Variants in HDAC4 observed in about 807,000 individuals in gnomAD.
HDAC4 encodes the protein histone deacetylase A.
A neutral mutation model predicts 135.1 loss-of-function variants in HDAC4; 16 were observed. The observed-to-expected ratio is 0.12, with a 90% CI of 0.08 to 0.18. The LOEUF is 0.18. Ranked by LOEUF, HDAC4 falls within the 10% of genes least tolerant of loss-of-function variation. The probability of loss-of-function intolerance (pLI) is 1.00; values close to 1 mark genes in which losing one functional copy is unlikely to be tolerated. For synonymous variants in HDAC4, 685 were observed against 653.4 expected (o/e 1.05, Z -0.74); for missense variants, 1,143 against 1,511.8 (o/e 0.76, Z 4.05).
rs551960129 is a variant in HDAC4 at position 239,075,372 on chromosome 2, G to T, written c.2750+5723C>A. ...CCTTTCTTGGGGCAACCTGAGGGGA[G>T]AGAGGGGTGGGCTCGCAGTTTCCCA... On this transcript the variant is annotated intron_variant, in intron 22 of 26. Transcript: ENST00000543185. 5.8e-4 allele frequency among the ~76,000 whole-genome samples: 88 copies of T among 152,212 alleles called. 1 individual carries two copies. Among genetic ancestry groups the T allele is most frequent in the African/African-American group, 2.0e-3 (85 of 41,538 alleles).
intron 2 of HDAC4, among the ~76,000 whole-genome samples, chr2:239,280,029 C>G (rs566687030): frequency 2.6e-5 from 4 of 152,194 alleles, no homozygotes; most frequent in Admixed American, 1.3e-4. Flanking sequence ...ACAGCACCCC[C>G]CAACCCCAAA....
intron 1 of HDAC4, among the ~76,000 whole-genome samples, chr2:239,389,070 G>A (rs1339441672): frequency 6.6e-6 from 1 of 152,160 alleles, no homozygotes; most frequent in Non-Finnish European, 1.5e-5. Flanking sequence ...GAATTTTTCT[G>A]TCTAGCTAGA....
intron 2 of HDAC4, among the ~76,000 whole-genome samples, chr2:239,344,598 C>G (rs1692497038): frequency 6.6e-6 from 1 of 152,148 alleles, no homozygotes; most frequent in Non-Finnish European, 1.5e-5. Flanking sequence ...CAAACCTTGA[C>G]TGATTAAGAT....
rs4852021 is a variant in HDAC4 at position 239,111,989 on chromosome 2, T to C, written c.1792-277A>G. 0.68 allele frequency among the ~76,000 whole-genome samples: 103,275 copies of C among 152,096 alleles called. 35,063 individuals carry two copies. The highest frequency in any genetic ancestry group is 0.77 in the South Asian group (3,697 of 4,816). ...TGTCCACGTGGGATCCTGCCATGGG[T>C]TACGTTAACAGGATAACACAGGTTG... On this transcript the variant is annotated intron_variant, in intron 13 of 26. Coordinates refer to ENST00000543185, the MANE Select transcript of HDAC4 (RefSeq NM_001378414.1).
At chr2:239,158,433 G>C (rs1352930301) in intron 6 of HDAC4, among the ~76,000 whole-genome samples, 4 of 152,186 alleles carry the variant, frequency 2.6e-5, no homozygotes, top group Admixed American at 1.3e-4. Flanking sequence ...GGTAGGATTT[G>C]CTTACAGTGA....
rs1032383854 is a variant in HDAC4, at chr2:239,308,244, G to T, written c.22+44434C>A. Among the ~76,000 whole-genome samples, 1 of 152,156 alleles carries T rather than the reference G, an allele frequency of 6.6e-6. No individual in the cohort carries two copies. Among genetic ancestry groups the T allele is most frequent in the Non-Finnish European group, 1.5e-5 (1 of 68,012 alleles). ...AGGGACAAGAGAGCTAGAGACCCGG[G>T]GGGGAGTCCACTGCCTTGGGGACAC... On this transcript the variant is annotated intron_variant, in intron 2 of 26. Coordinates refer to ENST00000543185, the MANE Select transcript of HDAC4 (RefSeq NM_001378414.1). The surrounding 1 kb of genome is among the most constrained non-coding windows in gnomAD (Gnocchi z 4.2).
Position 239,048,352 on chromosome 2 carries a change from A to G in HDAC4, c.*4745T>C, listed in dbSNP as rs2030268546. 1 of 152,206 alleles carries G rather than the reference A, an allele frequency of 6.6e-6. No individual in the cohort carries two copies. Among genetic ancestry groups the G allele is most frequent in the South Asian group, 2.1e-4 (1 of 4,826 alleles). 9.4% of individuals were successfully genotyped at this position (152,206 alleles called of 1,614,324 possible). A position where few individuals can be genotyped will look rare whatever the true frequency, so the allele number is the denominator to read the frequency against. ...GAGAAAACCAAACACAAAACCTCCA[A>G]CTCCACTGAGCAAAAGAAAGAACCA... On this transcript the variant is annotated 3_prime_UTR_variant, in exon 27 of 27. Transcript: ENST00000543185.
chr2:239,295,336 T>C (rs961777858), intron 2 of HDAC4, among the ~76,000 whole-genome samples: 1 of 114,644 alleles, frequency 8.7e-6, no homozygotes, highest in Non-Finnish European at 1.8e-5. Flanking sequence ...AAAAAAAAGA[T>C]GATTATAGTA....
At chr2:239,079,085 A>G (rs2035043862) in intron 22 of HDAC4, among the ~76,000 whole-genome samples, 1 of 152,182 alleles carries the variant, frequency 6.6e-6, no homozygotes, top group South Asian at 2.1e-4. Context: ...AAGGGGGGCC[A>G]GTTCTCTGGG....
chr2:239,375,573 G>A (rs113526320), intron 1 of HDAC4, among the ~76,000 whole-genome samples: 2 of 152,338 alleles, frequency 1.3e-5, no homozygotes, highest in African/African-American at 2.4e-5. Context: ...TGGCACTCAC[G>A]CCTACCTGGC....
At chr2:239,062,658 C>G (rs997266460) in intron 24 of HDAC4, among the ~76,000 whole-genome samples, 6 of 152,300 alleles carry the variant, frequency 3.9e-5, no homozygotes, top group Middle Eastern at 3.4e-3. Flanking sequence ...CGTCAGTTGC[C>G]TTTTAACTGG....
chr2:239,169,333 C>T (rs533419872), intron 5 of HDAC4, among the ~76,000 whole-genome samples: 119 of 152,338 alleles, frequency 7.8e-4, no homozygotes, highest in Non-Finnish European at 1.3e-3. Flanking sequence ...GGGCCCGTGG[C>T]GCACACCCGC....
At position 239,306,230 on chromosome 2, in the gene HDAC4, T is replaced by C. The variant is rs1416620416; in HGVS notation, c.22+46448A>G. ...TGACTTCCACTTATTTTCCTATCAT[T>C]TCCCATCTTTTCATACATTTAGAAG... On this transcript the variant is annotated intron_variant, in intron 2 of 26. Transcript: ENST00000543185. This position sits in a 1 kb window ranked among gnomAD's most constrained non-coding sequence, Gnocchi z 4.5. Among the ~76,000 whole-genome samples the C allele has an allele frequency of 3.9e-5, 6 of 152,096 alleles. No individual in the cohort carries two copies. Among genetic ancestry groups the C allele is most frequent in the African/African-American group, 1.4e-4 (6 of 41,404 alleles).
At chr2:239,077,654 G>C (rs910177101) in intron 22 of HDAC4, among the ~76,000 whole-genome samples, 2 of 152,218 alleles carry the variant, frequency 1.3e-5, no homozygotes, top group East Asian at 1.9e-4. Context: ...AAGGTGGCAC[G>C]GTCTGTATGA....
intron 3 of HDAC4, among the ~76,000 whole-genome samples, chr2:239,230,853 C>G (rs1209959067): frequency 6.6e-6 from 1 of 152,186 alleles, no homozygotes; most frequent in African/African-American, 2.4e-5. Flanking sequence ...CCAGATTCCA[C>G]TTTCTTCTCA....
At chr2:239,110,866 C>A (rs1027931847) in intron 14 of HDAC4, among the ~76,000 whole-genome samples, 4 of 152,248 alleles carry the variant, frequency 2.6e-5, no homozygotes, top group Non-Finnish European at 2.9e-5. Flanking sequence ...AGTCTCCTCC[C>A]CGGCTCTGGC....
chr2:239,327,853 C>A (rs571798352), intron 2 of HDAC4, among the ~76,000 whole-genome samples: 143 of 152,372 alleles, frequency 9.4e-4, no homozygotes, highest in African/African-American at 3.3e-3. Flanking sequence ...CTGCTCCCTG[C>A]AAGCTAACAT....
At chr2:239,102,675 C>T (rs1403146069) in intron 16 of HDAC4, 101 bp downstream of exon 16, 9 of 1,370,290 alleles carry the variant, frequency 6.6e-6, no homozygotes, top group Admixed American at 3.7e-5. Context: ...ACCTGGCAGG[C>T]GACACCCACA....
chr2:239,295,276 C>T lies in HDAC4; in HGVS notation c.22+57402G>A, dbSNP rs1402630495. ...GAGCCGAGATCGCGCCCCTGCACTC[C>T]AGCCTGGGTGACAGAGCAAGACTCC... On this transcript the variant is annotated intron_variant, in intron 2 of 26. Coordinates refer to ENST00000543185, the MANE Select transcript of HDAC4 (RefSeq NM_001378414.1). Among the ~76,000 whole-genome samples the T allele has an allele frequency of 8.3e-5, 11 of 131,982 alleles. No individual in the cohort carries two copies. The Admixed American group carries it at 9.4e-4, about 11-fold the overall frequency. 86.6% of individuals were successfully genotyped at this position (131,982 alleles called of 152,430 possible).
Sources: gnomAD v4.1 joint callset for allele counts (sites outside exome capture counted in the v4.1 genomes callset) on GRCh38, gnomAD v4.1.1 for gene constraint, Gnocchi (gnomAD v3.1) non-coding constraint, MANE v1.5 for transcripts, NCBI Gene and HGNC (gene_info 2026-07-23, HGNC 2026-07-21) for gene names.